The following ZNF670 variants were observed in gnomAD, a reference collection of about 807,000 sequenced individuals.
The protein encoded by ZNF670 is zinc finger protein 670.
ZNF670 carries 7 observed loss-of-function variants against 10.9 expected under a neutral mutation model. The observed-to-expected ratio is 0.64, with a 90% CI of 0.36 to 1.20. The LOEUF (loss-of-function observed/expected upper bound fraction) is 1.20, where lower values mean the gene tolerates loss of function less well. Ranked by LOEUF, ZNF670 falls within the 50% of genes most tolerant of loss-of-function variation. The probability of loss-of-function intolerance (pLI) is 0.02; values close to 1 mark genes in which losing one functional copy is unlikely to be tolerated. For missense variants in ZNF670, 446 were observed against 458.6 expected, an observed-to-expected ratio of 0.97 and a Z score of 0.25; for synonymous variants, 136 against 152.7, an observed-to-expected ratio of 0.89 and a Z score of 0.81.
At chr1:247,061,422 C>A (rs958288844) in intron 1 of ZNF670, among the ~76,000 whole-genome samples, 2 of 151,410 alleles carry the variant, frequency 1.3e-5, no homozygotes, top group African/African-American at 4.9e-5. Context: ...ACCTCCTCGG[C>A]CTCCCAAAAT....
intron 1 of ZNF670, among the ~76,000 whole-genome samples, chr1:247,074,410 A>G (rs1671205385): frequency 6.6e-6 from 1 of 151,090 alleles, no homozygotes; most frequent in Admixed American, 6.6e-5. Flanking sequence ...TCTTTTTTCT[A>G]ATCTAGTTTG....
At chr1:247,060,028 T>C (rs1670822253) in intron 1 of ZNF670, among the ~76,000 whole-genome samples, 1 of 152,220 alleles carries the variant, frequency 6.6e-6, no homozygotes, top group South Asian at 2.1e-4. Context: ...ATAGGCAGCC[T>C]CAATATTGCT....
chr1:247,059,417 G>T (rs983828840), intron 1 of ZNF670, among the ~76,000 whole-genome samples: 1 of 152,076 alleles, frequency 6.6e-6, no homozygotes, highest in African/African-American at 2.4e-5. Context: ...CTGCACTCCA[G>T]CCTGGGAGAC....
At chr1:247,063,310 A>G (rs1670902400) in intron 1 of ZNF670, among the ~76,000 whole-genome samples, 1 of 152,182 alleles carries the variant, frequency 6.6e-6, no homozygotes, top group South Asian at 2.1e-4. Context: ...GCGGTGGCTC[A>G]CGCCTGTAAT....
intron 1 of ZNF670, among the ~76,000 whole-genome samples, chr1:247,067,999 A>C (rs1325076494): frequency 6.6e-6 from 1 of 150,766 alleles, no homozygotes; most frequent in Non-Finnish European, 1.5e-5. Flanking sequence ...ACAACTCTAT[A>C]GGAAAAAAAT....
intron 1 of ZNF670, among the ~76,000 whole-genome samples, chr1:247,051,009 T>G (rs751923239): frequency 6.6e-6 from 1 of 152,034 alleles, no homozygotes; most frequent in Non-Finnish European, 1.5e-5. Context: ...TTCTGTTTCA[T>G]GATTTAGAAC....
At chr1:247,074,102 C>G (rs1041810755) in intron 1 of ZNF670, among the ~76,000 whole-genome samples, 1 of 152,128 alleles carries the variant, frequency 6.6e-6, no homozygotes, top group Non-Finnish European at 1.5e-5. Flanking sequence ...AAACAAACAC[C>G]TTCTCATTAT....
rs74163726 is a variant in ZNF670 at position 247,072,804 on chromosome 1, GTATATATATA to G, written c.3+5780_3+5789del. ...CTCTGTCTCAAAAAAAAAAGTGTGT[GTATATATATA>G]TATATATATATATATATATATATAT... On this transcript the variant is annotated intron_variant, in intron 1 of 3. Coordinates refer to ENST00000366503, the MANE Select transcript of ZNF670 (RefSeq NM_033213.5). Among the ~76,000 whole-genome samples the G allele has an allele frequency of 4.6e-3, 217 of 47,656 alleles. 7 individuals are homozygous for G. The highest frequency in any genetic ancestry group is 0.011 in the Admixed American group (39 of 3,638). 31.3% of individuals were successfully genotyped at this position (47,656 alleles called of 152,430 possible).
chr1:247,047,023 C>A (rs910049862), intron 1 of ZNF670, among the ~76,000 whole-genome samples: 1 of 152,266 alleles, frequency 6.6e-6, no homozygotes, highest in Non-Finnish European at 1.5e-5. Context: ...CCAGGTCCTG[C>A]TGATGCAAGA....
At chr1:247,047,396 G>A (rs1277551930) in intron 1 of ZNF670, among the ~76,000 whole-genome samples, 1 of 143,066 alleles carries the variant, frequency 7.0e-6, no homozygotes, top group Middle Eastern at 4.2e-3. Context: ...TTCTTAACTT[G>A]GCTTTGTGTG....
At position 247,034,686 on chromosome 1, in the gene ZNF670, C is replaced by G. The variant is rs1289434787; in HGVS notation, c.*2763G>C. On this transcript the variant is annotated 3_prime_UTR_variant, in exon 4 of 4. Transcript: ENST00000366503. ...CAATTAGGTGACATGCTTAATTCTCCCCAGCATGGGGACATTCTTCCTTTC... is the reference window on the plus strand; with the variant it reads ...CAATTAGGTGACATGCTTAATTCTCGCCAGCATGGGGACATTCTTCCTTTC... Among the ~76,000 whole-genome samples, 1 of 152,182 alleles carries G rather than the reference C, an allele frequency of 6.6e-6. No homozygotes were observed. The highest frequency in any genetic ancestry group is 2.4e-5 in the African/African-American group (1 of 41,432).
chr1:247,055,052 C>T (rs533055509), intron 1 of ZNF670, among the ~76,000 whole-genome samples: 20 of 152,254 alleles, frequency 1.3e-4, no homozygotes, highest in Non-Finnish European at 2.8e-4. Context: ...CTTGCACAAA[C>T]CTCCAGCCCA....
intron 1 of ZNF670, among the ~76,000 whole-genome samples, chr1:247,072,996 G>T (rs1207805905): frequency 6.6e-6 from 1 of 151,206 alleles, no homozygotes; most frequent in Non-Finnish European, 1.5e-5. Flanking sequence ...AATCTACAAA[G>T]AATAAGAAAA....
chr1:247,045,515 C>T (rs1670419774), intron 1 of ZNF670, among the ~76,000 whole-genome samples: 2 of 152,164 alleles, frequency 1.3e-5, no homozygotes, highest in Admixed American at 6.5e-5. Flanking sequence ...CCTGTTCCCC[C>T]TCTGCCTTCC....
chr1:247,055,319 T>C (rs565717291), intron 1 of ZNF670, among the ~76,000 whole-genome samples: 1 of 152,348 alleles, frequency 6.6e-6, no homozygotes, highest in South Asian at 2.1e-4. Flanking sequence ...CAGTCTCTGA[T>C]TGGCCCCAGG....
intron 1 of ZNF670, among the ~76,000 whole-genome samples, chr1:247,060,425 A>T (rs912853450): frequency 4.6e-5 from 7 of 152,358 alleles, no homozygotes; most frequent in African/African-American, 1.7e-4. Flanking sequence ...GCAAGGAAAT[A>T]AAAAAGACAC....
At chr1:247,074,129 C>A (rs1671198776) in intron 1 of ZNF670, among the ~76,000 whole-genome samples, 1 of 152,204 alleles carries the variant, frequency 6.6e-6, no homozygotes, top group Non-Finnish European at 1.5e-5. Flanking sequence ...GATGATGCTT[C>A]CTTTACGTAC....
At chr1:247,040,439 T>C (rs982449735) in intron 1 of ZNF670, among the ~76,000 whole-genome samples, 2 of 152,142 alleles carry the variant, frequency 1.3e-5, no homozygotes, top group Admixed American at 1.3e-4. Context: ...CTCTTTCAAA[T>C]AGCCTTAAAA....
intron 1 of ZNF670, among the ~76,000 whole-genome samples, chr1:247,048,793 T>G (rs929257522): frequency 6.6e-6 from 1 of 152,142 alleles, no homozygotes; most frequent in African/African-American, 2.4e-5. Context: ...AAGGAGAAAC[T>G]TGCCAAACAC....
Sources: allele counts gnomAD v4.1 joint callset (sites outside exome capture counted in the v4.1 genomes callset), GRCh38; gene constraint gnomAD v4.1.1; transcripts MANE v1.5; gene names NCBI Gene and HGNC (gene_info 2026-07-23, HGNC 2026-07-21).